The following GALNT17 variants were observed in gnomAD, a reference collection of about 807,000 sequenced individuals.
GALNT17 encodes UDP-GalNAc:polypeptide N-acetylgalactosaminyltransferase-like 3.
A neutral mutation model predicts 63.7 loss-of-function variants in GALNT17; 29 were observed. That is an observed-to-expected ratio of 0.46 (90% CI 0.34 to 0.62). The LOEUF is 0.62. Ranked by LOEUF, GALNT17 falls within the 20% of genes least tolerant of loss-of-function variation. The probability of loss-of-function intolerance (pLI) is 0.01; values close to 1 mark genes in which losing one functional copy is unlikely to be tolerated. For synonymous variants in GALNT17, 305 were observed against 318.3 expected (o/e 0.96, Z 0.45); for missense variants, 603 against 799.6 (o/e 0.75, Z 2.97).
chr7:71,167,390 G>T (rs189173078), intron 1 of GALNT17, among the ~76,000 whole-genome samples: 120 of 152,148 alleles, frequency 7.9e-4, no homozygotes, highest in Non-Finnish European at 1.2e-3. Context: ...CATTTGTATA[G>T]CTTCTTCAGG....
At chr7:71,282,355 C>T (rs1317089585) in intron 1 of GALNT17, among the ~76,000 whole-genome samples, 4 of 152,092 alleles carry the variant, frequency 2.6e-5, no homozygotes, top group South Asian at 2.1e-4. Flanking sequence ...AAGAAGTAAT[C>T]GAATTTACAC....
chr7:71,531,743 C>T (rs1788724441), intron 5 of GALNT17, among the ~76,000 whole-genome samples: 1 of 152,168 alleles, frequency 6.6e-6, no homozygotes, highest in Admixed American at 6.5e-5. Flanking sequence ...GCATGTACCA[C>T]CACTTCTGGT....
At chr7:71,367,616 G>A (rs1290700238) in intron 2 of GALNT17, among the ~76,000 whole-genome samples, 1 of 152,142 alleles carries the variant, frequency 6.6e-6, no homozygotes, top group East Asian at 1.9e-4. Flanking sequence ...TGAGAAATCA[G>A]ATCTAGTGAG....
intron 6 of GALNT17, among the ~76,000 whole-genome samples, chr7:71,628,741 G>A (rs1039560185): frequency 5.4e-5 from 8 of 148,286 alleles, no homozygotes; most frequent in East Asian, 4.5e-4. Flanking sequence ...GACCAGCCTG[G>A]CCAACATGGT....
At chr7:71,426,686 C>T (rs1295116853) in intron 5 of GALNT17, among the ~76,000 whole-genome samples, 2 of 151,962 alleles carry the variant, frequency 1.3e-5, no homozygotes, top group African/African-American at 2.4e-5. Flanking sequence ...TTTGGGAGGC[C>T]GAGGTGGGCT....
chr7:71,662,324 A>G (rs930197673), intron 6 of GALNT17, among the ~76,000 whole-genome samples: 2 of 150,712 alleles, frequency 1.3e-5, no homozygotes, highest in Non-Finnish European at 3.0e-5. Context: ...CTGTTTATCT[A>G]TCTATCTATC....
At chr7:71,403,183 GAAC>G (rs1793269730) in intron 3 of GALNT17, among the ~76,000 whole-genome samples, 1 of 152,122 alleles carries the variant, frequency 6.6e-6, no homozygotes, top group Non-Finnish European at 1.5e-5. Context: ...AAAACAAGAA[GAAC>G]AACAACAAAA....
intron 1 of GALNT17, among the ~76,000 whole-genome samples, chr7:71,206,155 T>C (rs1789267572): frequency 1.4e-5 from 2 of 147,894 alleles, no homozygotes; most frequent in African/African-American, 4.9e-5. Flanking sequence ...TATGAATATA[T>C]ATATAAAATA....
At chr7:71,173,864 A>G (rs1788588427) in intron 1 of GALNT17, among the ~76,000 whole-genome samples, 1 of 152,180 alleles carries the variant, frequency 6.6e-6, no homozygotes, top group South Asian at 2.1e-4. Context: ...TATGTCCTTA[A>G]TATCAGAGCA....
chr7:71,310,555 T>A (rs1791397667), intron 1 of GALNT17, among the ~76,000 whole-genome samples: 1 of 152,186 alleles, frequency 6.6e-6, no homozygotes, highest in African/African-American at 2.4e-5. Flanking sequence ...ACCTAAGGAT[T>A]CTAGTGGCCT....
chr7:71,605,642 C>CAA (rs1321594058), intron 6 of GALNT17, among the ~76,000 whole-genome samples: 2 of 149,238 alleles, frequency 1.3e-5, no homozygotes, highest in African/African-American at 4.9e-5. Context: ...AAGGAGAAAA[C>CAA]AAACAACTCA....
intron 1 of GALNT17, among the ~76,000 whole-genome samples, chr7:71,228,691 C>T (rs908075753): frequency 6.6e-6 from 1 of 152,182 alleles, no homozygotes; most frequent in South Asian, 2.1e-4. Flanking sequence ...TTCACCTCAA[C>T]TCTTTTCTCC....
At chr7:71,602,240 A>G (rs1789976608) in intron 6 of GALNT17, among the ~76,000 whole-genome samples, 1 of 152,186 alleles carries the variant, frequency 6.6e-6, no homozygotes, top group African/African-American at 2.4e-5. Flanking sequence ...AAATGATGCT[A>G]TTTTATGCCA....
intron 9 of GALNT17, among the ~76,000 whole-genome samples, chr7:71,677,568 G>T (rs1450982205): frequency 1.3e-5 from 2 of 151,234 alleles, no homozygotes; most frequent in Admixed American, 6.6e-5. Context: ...AGGCTGGAGT[G>T]CAGTGGTATG....
intron 1 of GALNT17, among the ~76,000 whole-genome samples, chr7:71,193,070 T>C (rs1788982752): frequency 9.4e-5 from 1 of 10,650 alleles, no homozygotes; most frequent in Non-Finnish European, 1.7e-4. Context: ...ATCTACCATT[T>C]ATTTATTTAT....
intron 5 of GALNT17, among the ~76,000 whole-genome samples, chr7:71,468,031 A>G (rs1167425536): frequency 1.3e-5 from 2 of 151,914 alleles, no homozygotes; most frequent in East Asian, 3.9e-4. Flanking sequence ...CGTTATTTTA[A>G]TTTCTTAAAT....
intron 2 of GALNT17, among the ~76,000 whole-genome samples, chr7:71,376,715 G>A (rs969942175): frequency 1.1e-4 from 17 of 151,754 alleles, no homozygotes; most frequent in Admixed American, 9.9e-4. Flanking sequence ...ACTTTGGGAG[G>A]CCCAGGCAAG....
chr7:71,194,042 CTTTA>C (rs997791265), intron 1 of GALNT17, among the ~76,000 whole-genome samples: 4 of 152,100 alleles, frequency 2.6e-5, no homozygotes, highest in South Asian at 2.1e-4. Flanking sequence ...CAATCATCTG[CTTTA>C]TTTATTTATT....
In GALNT17 at chr7:71,348,349, G is replaced by T. The variant is rs114844897; in HGVS notation, c.422+12616G>T. 4.1e-3 allele frequency among the ~76,000 whole-genome samples: 626 copies of T among 152,250 alleles called. 5 individuals are homozygous for T. Among genetic ancestry groups the T allele is most frequent in the African/African-American group, 0.014 (582 of 41,536 alleles). Reference sequence around the variant, plus strand: ...TTTAGAGGCACTGCCAGCCCCAAAGGTTATGAATTGGCAATGTTAATTAGA... The same window carrying T: ...TTTAGAGGCACTGCCAGCCCCAAAGTTTATGAATTGGCAATGTTAATTAGA... On this transcript the variant is annotated intron_variant, in intron 2 of 10. Transcript: ENST00000333538.
Sources: gnomAD v4.1 joint callset for allele counts (sites outside exome capture counted in the v4.1 genomes callset) on GRCh38, gnomAD v4.1.1 for gene constraint, MANE v1.5 for transcripts, NCBI Gene and HGNC (gene_info 2026-07-23, HGNC 2026-07-21) for gene names.